The following SPIC variants were observed in gnomAD, a reference collection of about 807,000 sequenced individuals.
The protein encoded by SPIC is transcription factor Spi-C.
SPIC carries 9 observed loss-of-function variants against 16.7 expected under a neutral mutation model. That is an observed-to-expected ratio of 0.54 (90% CI 0.33 to 0.94). The LOEUF (loss-of-function observed/expected upper bound fraction) is 0.94, where lower values mean the gene tolerates loss of function less well. SPIC is among the 40% of genes least tolerant of loss of function. SPIC has a pLI of 0.03. For missense variants in SPIC, 241 were observed against 285.8 expected, an observed-to-expected ratio of 0.84 and a Z score of 1.13; for synonymous variants, 97 against 102.9, an observed-to-expected ratio of 0.94 and a Z score of 0.35.
At chr12:101,479,552 T>C (rs2121250514) in intron 3 of SPIC, 30 bp from the exon 4 acceptor site, 1 of 1,576,026 alleles carries the variant, frequency 6.3e-7, no homozygotes. Flanking sequence ...ACTTTGACTT[T>C]TTTAGTTTCT....
chr12:101,479,732 C>A (rs376103421), intron 4 of SPIC, 38 bp downstream of exon 4: 2 of 1,443,280 alleles, frequency 1.4e-6, no homozygotes, highest in East Asian at 2.3e-5. Context: ...AGGCAAATAT[C>A]CTATTCTTGC....
intron 5 of SPIC, among the ~76,000 whole-genome samples, chr12:101,483,834 G>C (rs1873283908): frequency 6.6e-6 from 1 of 151,904 alleles, no homozygotes; most frequent in African/African-American, 2.4e-5. Flanking sequence ...CTGGCCTCAG[G>C]TGATCCAGTC....
At chr12:101,479,349 AAG>A (rs769041665) in intron 3 of SPIC, among the ~76,000 whole-genome samples, 9 of 151,470 alleles carry the variant, frequency 5.9e-5, no homozygotes, top group Non-Finnish European at 1.0e-4. Context: ...GAAAGAAAGA[AAG>A]AAAGAAATCA....
intron 1 of SPIC, among the ~76,000 whole-genome samples, chr12:101,476,278 A>G (rs898681939): frequency 2.0e-5 from 3 of 152,184 alleles, no homozygotes; most frequent in Non-Finnish European, 2.9e-5. Context: ...TAGAGATAAG[A>G]AAGTAAATAA....
At chr12:101,482,260 G>A (rs1873226660) in intron 4 of SPIC, among the ~76,000 whole-genome samples, 1 of 151,462 alleles carries the variant, frequency 6.6e-6, no homozygotes, top group African/African-American at 2.4e-5. Flanking sequence ...TGTAGAGGTG[G>A]GGTCTCTCTA....
chr12:101,475,818 A>C (rs1872941350), intron 1 of SPIC, among the ~76,000 whole-genome samples: 1 of 152,166 alleles, frequency 6.6e-6, no homozygotes, highest in East Asian at 1.9e-4. Context: ...CTTTTAAAAA[A>C]TATGTGCTAC....
chr12:101,477,691 A>G (rs764994623), intron 3 of SPIC, 40 bp downstream of exon 3: 1 of 1,540,548 alleles, frequency 6.5e-7, no homozygotes, highest in Admixed American at 1.7e-5. Flanking sequence ...TGGTACATCA[A>G]ATGGCTTGTT....
intron 1 of SPIC, among the ~76,000 whole-genome samples, 153 bp from the exon 2 acceptor site, chr12:101,476,675 C>T (rs117332364): frequency 0.032 from 4,934 of 151,934 alleles, 96 homozygotes; most frequent in East Asian, 0.046. Flanking sequence ...TAGAAAATTT[C>T]GTAGAAAAAA....
chr12:101,484,833 A>C (rs1326783153), intron 5 of SPIC, among the ~76,000 whole-genome samples: 2 of 151,726 alleles, frequency 1.3e-5, no homozygotes, highest in African/African-American at 4.8e-5. Flanking sequence ...GCGCCACTAC[A>C]CTCCAGCCTG....
At chr12:101,476,803 C>A in intron 1 of SPIC, 25 bp from the exon 2 acceptor site, 10 of 738,580 alleles carry the variant, frequency 1.4e-5, no homozygotes, top group Non-Finnish European at 1.8e-5. Flanking sequence ...TTTAATTTTG[C>A]TTTTTAAATA....
In SPIC at chr12:101,477,524, C is replaced by A. The variant is rs556087099; in HGVS notation, c.4-34C>A. On this transcript the variant is annotated intron_variant, in intron 2 of 5. Coordinates refer to ENST00000551346, the MANE Select transcript of SPIC (RefSeq NM_152323.3). ...GGGAGATTAAGTTTAATTGGTAATTCGAAAACTCCAGAATTCTATCATTGT... is the reference window on the plus strand; with the variant it reads ...GGGAGATTAAGTTTAATTGGTAATTAGAAAACTCCAGAATTCTATCATTGT... 4 of 1,588,670 alleles carry A rather than the reference C, an allele frequency of 2.5e-6. No individual in the cohort carries two copies. In the Admixed American group the frequency reaches 5.0e-5, roughly 20 times the overall value.
intron 5 of SPIC, among the ~76,000 whole-genome samples, chr12:101,484,792 C>T (rs953935612): frequency 3.3e-5 from 5 of 151,510 alleles, no homozygotes; most frequent in Middle Eastern, 3.4e-3. Context: ...CGCTTGAACC[C>T]GGGAGGCAGA....
intron 3 of SPIC, among the ~76,000 whole-genome samples, chr12:101,479,351 G>GAAAGAAAGAAAGAA (rs1336803369): frequency 2.0e-5 from 3 of 150,476 alleles, no homozygotes; most frequent in Non-Finnish European, 4.4e-5. Context: ...AAGAAAGAAA[G>GAAAGAAAGAAAGAA]AAAGAAATCA....
chr12:101,477,962 C>T (rs1031213120), intron 3 of SPIC, among the ~76,000 whole-genome samples: 1 of 151,960 alleles, frequency 6.6e-6, no homozygotes, highest in Non-Finnish European at 1.5e-5. Context: ...TTTAGTAAGC[C>T]GAGATGGCGC....
chr12:101,484,542 TAATAA>T (rs1873305792), intron 5 of SPIC, among the ~76,000 whole-genome samples: 1 of 146,460 alleles, frequency 6.8e-6, no homozygotes. Context: ...ACTCAAAAAA[TAATAA>T]TAATAAATAA....
chr12:101,480,817 T>C (rs1203359811), intron 4 of SPIC, among the ~76,000 whole-genome samples: 1 of 152,128 alleles, frequency 6.6e-6, no homozygotes, highest in African/African-American at 2.4e-5. Context: ...CAAGACCCTG[T>C]CTCAAAAAAA....
At chr12:101,484,834 C>T (rs1436912946) in intron 5 of SPIC, among the ~76,000 whole-genome samples, 1 of 151,664 alleles carries the variant, frequency 6.6e-6, no homozygotes, top group Admixed American at 6.6e-5. Context: ...CGCCACTACA[C>T]TCCAGCCTGG....
At chr12:101,479,341 A>G (rs529549994) in intron 3 of SPIC, among the ~76,000 whole-genome samples, 1 of 150,648 alleles carries the variant, frequency 6.6e-6, no homozygotes, top group South Asian at 2.1e-4. Context: ...GAAAGAAAGA[A>G]AGAAAGAAAG....
At chr12:101,479,190 AAG>A (rs1238022788) in intron 3 of SPIC, among the ~76,000 whole-genome samples, 40 of 127,592 alleles carry the variant, frequency 3.1e-4, no homozygotes, top group African/African-American at 1.1e-3. Context: ...GAAAGAAAGA[AAG>A]AAAGAAAGAA....
Sources: gnomAD v4.1 joint callset for allele counts (sites outside exome capture counted in the v4.1 genomes callset) on GRCh38, gnomAD v4.1.1 for gene constraint, MANE v1.5 for transcripts, NCBI Gene and HGNC (gene_info 2026-07-23, HGNC 2026-07-21) for gene names.